GMPS: variants seen among roughly 807,000 people sequenced by gnomAD.
The protein encoded by GMPS is GMP synthase [glutamine-hydrolyzing].
In GMPS, 15 loss-of-function variants were observed where a neutral mutation model predicts 77.9. The observed-to-expected ratio is 0.19, with a 90% CI of 0.13 to 0.30. The LOEUF is 0.30. Among genes scored for constraint, GMPS ranks in the 10% least tolerant of loss-of-function variants. The pLI is 1.00. For missense variants in GMPS, 590 were observed against 838.8 expected (o/e 0.70, Z 3.66); for synonymous variants, 224 against 275.9 (o/e 0.81, Z 1.86).
intron 3 of GMPS, among the ~76,000 whole-genome samples, chr3:155,898,505 C>G (rs1754655068): frequency 6.6e-6 from 1 of 152,182 alleles, no homozygotes; most frequent in Non-Finnish European, 1.5e-5. Flanking sequence ...AGAATCTAAT[C>G]CACAGACTCC....
At chr3:155,875,884 T>C (rs1754039397) in intron 1 of GMPS, among the ~76,000 whole-genome samples, 1 of 152,150 alleles carries the variant, frequency 6.6e-6, no homozygotes, top group South Asian at 2.1e-4. Context: ...TAGGAGATTA[T>C]ATAGTTAAGT....
intron 11 of GMPS, among the ~76,000 whole-genome samples, chr3:155,924,009 T>G (rs1365524614): frequency 2.6e-5 from 4 of 152,172 alleles, no homozygotes; most frequent in East Asian, 1.9e-4. Flanking sequence ...GCCTCCCGAG[T>G]AGCTGGGATT....
intron 12 of GMPS, among the ~76,000 whole-genome samples, chr3:155,926,063 G>C (rs541144961): frequency 1.2e-4 from 19 of 152,324 alleles, no homozygotes; most frequent in African/African-American, 4.3e-4. Flanking sequence ...CCAGGCTGGA[G>C]TGCAGTGATG....
At chr3:155,904,294 C>CTT (rs200187226) in intron 4 of GMPS, among the ~76,000 whole-genome samples, 12 of 145,294 alleles carry the variant, frequency 8.3e-5, no homozygotes, top group Admixed American at 2.1e-4. Context: ...TTTTCTTTTT[C>CTT]TTTTTTTTTT....
In GMPS at chr3:155,941,687, T is replaced by C. The variant is rs1009061235; in HGVS notation, c.*3995T>C. ...ATGTAATGGGGAACTGAATACAAGT[T>C]GGATGTCTCCACCCTTGGAAAGCAC... On this transcript the variant is annotated 3_prime_UTR_variant, in exon 16 of 16. Transcript: ENST00000496455. The C allele has an allele frequency of 3.1e-5, 7 of 223,036 alleles. No homozygotes were observed. The highest frequency in any genetic ancestry group is 1.6e-4 in the African/African-American group (7 of 44,778). The allele number at this position is 223,036 out of a possible 1,614,324, so 13.8% of individuals were successfully genotyped here. A position where few individuals can be genotyped will look rare whatever the true frequency, so the allele number is the denominator to read the frequency against.
chr3:155,934,105 CTAATTT>C (rs1755701071), intron 13 of GMPS, among the ~76,000 whole-genome samples: 1 of 152,138 alleles, frequency 6.6e-6, no homozygotes, highest in Non-Finnish European at 1.5e-5. Context: ...GATGAGTTTA[CTAATTT>C]TGGGAAATTC....
At chr3:155,918,301 A>C (rs756903845) in intron 9 of GMPS, among the ~76,000 whole-genome samples, 22 of 152,084 alleles carry the variant, frequency 1.4e-4, no homozygotes, top group Non-Finnish European at 2.6e-4. Context: ...AATACAAAAA[A>C]ATTAGCCAGG....
chr3:155,922,313 A>G lies in GMPS; in HGVS notation c.1434+11A>G. 1.0e-6 allele frequency: 1 copy of G among 985,080 alleles called. No individual in the cohort carries two copies. The highest frequency in any genetic ancestry group is 1.5e-6 in the Non-Finnish European group (1 of 650,036). The allele number at this position is 985,080 out of a possible 1,614,324, so 61.0% of individuals were successfully genotyped here. ...GCAAGTGTTAAAAAGGTAATATTTG[A>G]TACAGCTAATCATTACAAGAAATTG... is the stretch of plus-strand genomic sequence containing the variant. On this transcript the variant is annotated intron_variant, in intron 11 of 15. Transcript: ENST00000496455.
rs976758441 is a variant in GMPS at position 155,939,192 on chromosome 3, A to G, written c.*1500A>G. 1 of 220,466 alleles carries G rather than the reference A, an allele frequency of 4.5e-6. No homozygotes were observed. The highest frequency in any genetic ancestry group is 2.2e-5 in the African/African-American group (1 of 44,600). The allele number at this position is 220,466 out of a possible 1,614,324, so 13.7% of individuals were successfully genotyped here. On this transcript the variant is annotated 3_prime_UTR_variant, in exon 16 of 16. Transcript: ENST00000496455. The stretch of plus-strand genomic sequence containing the variant: ...TTGACTCCTACAAAACTTAAAGGGT[A>G]CATTCTCTATCTGATGAGGAGGTAC...
chr3:155,898,840 G>A (rs1754662341), intron 3 of GMPS, among the ~76,000 whole-genome samples: 2 of 152,144 alleles, frequency 1.3e-5, no homozygotes, highest in Admixed American at 1.3e-4. Context: ...TGGCATGACA[G>A]GTGATGTTAA....
intron 3 of GMPS, among the ~76,000 whole-genome samples, chr3:155,903,028 T>C (rs968245436): frequency 1.9e-4 from 29 of 152,212 alleles, no homozygotes; most frequent in African/African-American, 7.0e-4. Flanking sequence ...CTCTGAGTTA[T>C]AAGAATGAAC....
chr3:155,937,749 C>G lies in GMPS; in HGVS notation c.*57C>G. On this transcript the variant is annotated 3_prime_UTR_variant, in exon 16 of 16. Transcript: ENST00000496455. ...CAGTTTAAATTGATTAGAAATCATT[C>G]CCATTATTGACATGCAGTACTGTGA... 1.2e-6 allele frequency: 1 copy of G among 815,630 alleles called. No homozygotes were observed. Among genetic ancestry groups the G allele is most frequent in the Non-Finnish European group, 2.1e-6 (1 of 467,142 alleles). 50.5% of individuals were successfully genotyped at this position (815,630 alleles called of 1,614,324 possible).
chr3:155,906,408 G>C (rs1336115094), intron 5 of GMPS, 145 bp downstream of exon 5: 1 of 518,836 alleles, frequency 1.9e-6, no homozygotes, highest in Admixed American at 3.6e-5. Flanking sequence ...ATGAATGTAG[G>C]ATTAACTGTT....
At chr3:155,869,990 T>C (rs1049768018), upstream of GMPS, among the ~76,000 whole-genome samples, 1 of 152,282 alleles carries the variant, frequency 6.6e-6, no homozygotes, top group South Asian at 2.1e-4. Flanking sequence ...AAAAACACTG[T>C]TGTGCAAACA....
chr3:155,871,510 C>CT (rs1418651505), intron 1 of GMPS, among the ~76,000 whole-genome samples: 1 of 152,246 alleles, frequency 6.6e-6, no homozygotes, highest in East Asian at 1.9e-4. Flanking sequence ...GCTGCACTGT[C>CT]TTCCCCCTCC....
intron 2 of GMPS, among the ~76,000 whole-genome samples, chr3:155,894,354 G>A (rs1333426984): frequency 6.6e-6 from 1 of 152,090 alleles, no homozygotes; most frequent in Non-Finnish European, 1.5e-5. Context: ...CTCTCGAGTA[G>A]CTGGAAGTAC....
At chr3:155,893,830 TG>T (rs1754531137) in intron 2 of GMPS, 131 bp downstream of exon 2, 1 of 561,818 alleles carries the variant, frequency 1.8e-6, no homozygotes, top group African/African-American at 1.9e-5. Flanking sequence ...AAATTTCCCA[TG>T]GCTCTGATTT....
intron 11 of GMPS, among the ~76,000 whole-genome samples, chr3:155,922,931 CAG>C (rs1755353186): frequency 1.3e-5 from 2 of 152,114 alleles, no homozygotes; most frequent in African/African-American, 4.8e-5. Flanking sequence ...AGGAAAAATG[CAG>C]ATTCTCTTTA....
intron 9 of GMPS, among the ~76,000 whole-genome samples, chr3:155,917,180 C>T (rs1232555398): frequency 2.6e-5 from 4 of 152,082 alleles, no homozygotes; most frequent in Non-Finnish European, 4.4e-5. Context: ...ACTATGTTGG[C>T]CAGGCTGGTC....
Sources: allele counts gnomAD v4.1 joint callset (sites outside exome capture counted in the v4.1 genomes callset), GRCh38; gene constraint gnomAD v4.1.1; transcripts MANE v1.5; gene names NCBI Gene and HGNC (gene_info 2026-07-23, HGNC 2026-07-21).